Variants in ELMO1 observed in about 807,000 individuals in gnomAD.
ELMO1 encodes engulfment and cell motility 1.
Under a neutral mutation model 98.9 loss-of-function variants are expected in ELMO1, and 26 were observed. That is an observed-to-expected ratio of 0.26 (90% confidence interval 0.19 to 0.36). ELMO1 has a LOEUF of 0.36. Among genes scored for constraint, ELMO1 ranks in the 10% least tolerant of loss-of-function variants. ELMO1 has a pLI of 1.00. For synonymous variants in ELMO1, 346 were observed against 346.0 expected (o/e 1.00, Z 0.00); for missense variants, 627 against 935.2 (o/e 0.67, Z 4.30).
chr7:37,416,244 G>A (rs537840586), intron 1 of ELMO1, among the ~76,000 whole-genome samples: 19 of 152,316 alleles, frequency 1.2e-4, no homozygotes, highest in Admixed American at 1.2e-3. Flanking sequence ...CTGACAATAC[G>A]AAGTTCACAA....
At chr7:37,094,895 C>T (rs530864104) in intron 15 of ELMO1, among the ~76,000 whole-genome samples, 1 of 152,178 alleles carries the variant, frequency 6.6e-6, no homozygotes, top group Non-Finnish European at 1.5e-5. Flanking sequence ...AACTCAGTTC[C>T]CCTCTATTCC....
At chr7:37,314,146 T>C (rs1431867164) in intron 4 of ELMO1, among the ~76,000 whole-genome samples, 1 of 152,218 alleles carries the variant, frequency 6.6e-6, no homozygotes, top group Non-Finnish European at 1.5e-5. Context: ...CCTCAATGAC[T>C]CAGTGTCGTA....
chr7:37,068,325 T>C (rs1300092823), intron 15 of ELMO1, among the ~76,000 whole-genome samples: 1 of 152,320 alleles, frequency 6.6e-6, no homozygotes, highest in Non-Finnish European at 1.5e-5. Context: ...TTGAACCCGC[T>C]CTAGGAAACC....
In ELMO1 at chr7:36,878,030, T is replaced by TG. The variant is rs1471898920; in HGVS notation, c.1801dup (p.His601ProfsTer32). On this transcript the variant is annotated frameshift_variant, in exon 19 of 22. Coordinates refer to ENST00000310758, the MANE Select transcript of ELMO1 (RefSeq NM_014800.11). LOFTEE classifies it high-confidence loss of function. ...CTTACGTTTGTCCTGCAAGGAATCG[T>TG]GGGGCACTTCTCCCTGAGGACTCTC... The TG allele has an allele frequency of 6.2e-7, 1 of 1,613,994 alleles. No homozygotes were observed.
chr7:37,126,370 C>T lies in ELMO1; in HGVS notation c.1191+6760G>A, dbSNP rs142149089. Among the ~76,000 whole-genome samples the T allele has an allele frequency of 3.9e-3, 575 of 146,598 alleles. 1 individual carries two copies. Among genetic ancestry groups the T allele is most frequent in the Non-Finnish European group, 6.5e-3 (429 of 66,468 alleles). The stretch of plus-strand genomic sequence containing the variant: ...TTTTATTTATCACATAGCACCATGC[C>T]GAATCAAACAGAGAAAAGGGGTCAG... On this transcript the variant is annotated intron_variant, in intron 14 of 21. Coordinates refer to ENST00000310758, the MANE Select transcript of ELMO1 (RefSeq NM_014800.11).
rs1282077907 is a variant in ELMO1 at position 36,958,339 on chromosome 7, A to T, written c.1437+54960T>A. 3.3e-5 allele frequency among the ~76,000 whole-genome samples: 5 copies of T among 152,186 alleles called. No individual in the cohort carries two copies. The East Asian group carries it at 9.6e-4, about 29-fold the overall frequency. ...GTGCTGTCTGGTCTCATTTAAATTTATGACCTTAACTAACAAGAGAGTTCT... is the reference window on the plus strand; with the variant it reads ...GTGCTGTCTGGTCTCATTTAAATTTTTGACCTTAACTAACAAGAGAGTTCT... On this transcript the variant is annotated intron_variant, in intron 16 of 21. Coordinates refer to ENST00000310758, the MANE Select transcript of ELMO1 (RefSeq NM_014800.11).
At chr7:37,073,894 T>G (rs1797418213) in intron 15 of ELMO1, among the ~76,000 whole-genome samples, 1 of 151,632 alleles carries the variant, frequency 6.6e-6, no homozygotes, top group African/African-American at 2.4e-5. Flanking sequence ...ACTAAAATTT[T>G]TAATGTATTG....
chr7:37,089,609 C>T (rs531734367), intron 15 of ELMO1, among the ~76,000 whole-genome samples: 2 of 152,256 alleles, frequency 1.3e-5, no homozygotes, highest in South Asian at 2.1e-4. Flanking sequence ...ATAATCAAAC[C>T]TCAATTTCCA....
Position 36,870,262 on chromosome 7 carries a change from G to C in ELMO1, c.1905+131C>G, listed in dbSNP as rs1407693780. The C allele has an allele frequency of 2.9e-6, 2 of 697,698 alleles. No individual in the cohort carries two copies. The highest frequency in any genetic ancestry group is 3.6e-5 in the African/African-American group (2 of 55,738). The allele number at this position is 697,698 out of a possible 1,614,324, so 43.2% of individuals were successfully genotyped here. A position where few individuals can be genotyped will look rare whatever the true frequency, so the allele number is the denominator to read the frequency against. On this transcript the variant is annotated intron_variant, in intron 20 of 21. Transcript: ENST00000310758. This position sits in a 1 kb window ranked among gnomAD's most constrained non-coding sequence, Gnocchi z 4.4. Reference sequence around the variant, plus strand: ...AAAGGAATCGGGACAGGAAACAGGAGAGCTGAATAAGAGATGTGTGTCTGA... The same window carrying C: ...AAAGGAATCGGGACAGGAAACAGGACAGCTGAATAAGAGATGTGTGTCTGA...
chr7:37,433,629 A>G (rs1166300754), intron 1 of ELMO1, among the ~76,000 whole-genome samples: 1 of 152,112 alleles, frequency 6.6e-6, no homozygotes, highest in Non-Finnish European at 1.5e-5. Flanking sequence ...GCTCACTTGT[A>G]AGGGAAGAAA....
chr7:36,942,650 C>T (rs1233917737), intron 16 of ELMO1, among the ~76,000 whole-genome samples: 3 of 152,150 alleles, frequency 2.0e-5, no homozygotes, highest in Non-Finnish European at 2.9e-5. Context: ...GGACAAATGG[C>T]ATAGTTTACC....
At chr7:37,260,468 C>T (rs1795922398) in intron 5 of ELMO1, among the ~76,000 whole-genome samples, 1 of 152,138 alleles carries the variant, frequency 6.6e-6, no homozygotes, top group South Asian at 2.1e-4. Flanking sequence ...CAGTGCTGGC[C>T]ACAGACTCTG....
At chr7:37,179,439 G>C (rs1409228449) in intron 13 of ELMO1, among the ~76,000 whole-genome samples, 2 of 151,790 alleles carry the variant, frequency 1.3e-5, no homozygotes, top group South Asian at 4.2e-4. Context: ...CACCACGACC[G>C]GCTAATTTTT....
At chr7:37,128,482 C>T (rs774952398) in intron 14 of ELMO1, among the ~76,000 whole-genome samples, 1 of 152,178 alleles carries the variant, frequency 6.6e-6, no homozygotes, top group Non-Finnish European at 1.5e-5. Context: ...CCAGATTTTA[C>T]TCCATGCACA....
chr7:37,427,080 A>G (rs1410175638), intron 1 of ELMO1, among the ~76,000 whole-genome samples: 1 of 152,152 alleles, frequency 6.6e-6, no homozygotes, highest in African/African-American at 2.4e-5. Context: ...CCCTAAGACA[A>G]TACAGTAGTT....
rs1015399316 is a variant in ELMO1, at chr7:36,980,437, G to A, written c.1437+32862C>T. ...CGGATAGATAGTTCAGAAGTTTGACGCATATATGACATAGGAAGTCACCAA... is the reference window on the plus strand; with the variant it reads ...CGGATAGATAGTTCAGAAGTTTGACACATATATGACATAGGAAGTCACCAA... On this transcript the variant is annotated intron_variant, in intron 16 of 21. Transcript: ENST00000310758. 4.6e-5 allele frequency among the ~76,000 whole-genome samples: 7 copies of A among 152,108 alleles called. No homozygotes were observed. The South Asian group carries it at 1.0e-3, about 22-fold the overall frequency.
intron 6 of ELMO1, among the ~76,000 whole-genome samples, chr7:37,253,253 T>TA (rs2130761888): frequency 6.6e-6 from 1 of 152,314 alleles, no homozygotes; most frequent in South Asian, 2.1e-4. Context: ...TTATAAGTCA[T>TA]TCTACTGTAA....
chr7:37,047,195 T>C (rs1795841878), intron 15 of ELMO1, among the ~76,000 whole-genome samples: 1 of 152,232 alleles, frequency 6.6e-6, no homozygotes. Context: ...TTGTCTGTAA[T>C]ACAAGTTTGT....
At chr7:37,272,640 A>C (rs1796628246) in intron 4 of ELMO1, among the ~76,000 whole-genome samples, 1 of 152,032 alleles carries the variant, frequency 6.6e-6, no homozygotes, top group African/African-American at 2.4e-5. Flanking sequence ...GCACCACTAC[A>C]TTCCAGCCTA....
Sources: gnomAD v4.1 joint callset for allele counts (sites outside exome capture counted in the v4.1 genomes callset) on GRCh38, gnomAD v4.1.1 for gene constraint, Gnocchi (gnomAD v3.1) non-coding constraint, MANE v1.5 for transcripts, NCBI Gene and HGNC (gene_info 2026-07-23, HGNC 2026-07-21) for gene names.